The following NBEAL2 variants were observed in gnomAD, a reference collection of about 807,000 sequenced individuals.
NBEAL2 encodes neurobeachin-like protein 2.
NBEAL2 carries 160 observed loss-of-function variants against 299.8 expected under a neutral mutation model. The observed-to-expected ratio is 0.53, with a 90% CI of 0.47 to 0.61. NBEAL2 has a LOEUF of 0.61. NBEAL2 is among the 20% of genes least tolerant of loss of function. The pLI, the probability that NBEAL2 is intolerant of heterozygous loss-of-function variation, is 0.00. For synonymous variants in NBEAL2, 1,493 were observed against 1,542.3 expected (o/e 0.97, Z 0.75); for missense variants, 3,112 against 3,649.0 (o/e 0.85, Z 3.79).
Position 47,003,199 on chromosome 3 carries a change from G to A in NBEAL2, c.5610G>A (p.Glu1870=). The A allele has an allele frequency of 6.2e-7, 1 of 1,611,554 alleles. No homozygotes were observed. Among genetic ancestry groups the A allele is most frequent in the Non-Finnish European group, 8.5e-7 (1 of 1,178,618 alleles). ...NLGEVPLTPT[E]EASLPLAVTK... is the part of the protein sequence containing the mutation. The stretch of plus-strand genomic sequence containing the variant: ...GTGAGGTTCCCCTGACACCCACCGA[G>A]GAGGCCTCACTGCCTCTGGCAGTGA... Residue 1870 remains glutamate (E), a synonymous_variant, in exon 35 of 54, where the codon GAG becomes GAA. Transcript: ENST00000450053. The surrounding 1 kb of genome is among the most constrained non-coding windows in gnomAD (Gnocchi z 7.0).
chr3:46,987,769 C>T (rs1230917281), intron 1 of NBEAL2, among the ~76,000 whole-genome samples: 9 of 152,164 alleles, frequency 5.9e-5, no homozygotes, highest in African/African-American at 2.2e-4. Flanking sequence ...TAAAACTAGT[C>T]TTGGCCCACA....
chr3:46,987,014 G>A (rs757950477), intron 1 of NBEAL2, among the ~76,000 whole-genome samples: 2 of 152,252 alleles, frequency 1.3e-5, no homozygotes, highest in Non-Finnish European at 2.9e-5. Flanking sequence ...TCATGGTTGT[G>A]TGGGTCTGCA....
In NBEAL2 at chr3:47,007,919, C is replaced by T. The variant is rs758985099; in HGVS notation, c.7602+9C>T. 6.2e-6 allele frequency: 10 copies of T among 1,609,970 alleles called. No homozygotes were observed. The highest frequency in any genetic ancestry group is 8.5e-6 in the Non-Finnish European group (10 of 1,178,234). On this transcript the variant is annotated intron_variant, in intron 49 of 53. Coordinates refer to ENST00000450053, the MANE Select transcript of NBEAL2 (RefSeq NM_015175.3). ...GGCGGCTCCTGCATCAGGTGTGCCT[C>T]GTGGGCAGCTCTGTGGGGCCCCCGT...
Position 47,009,319 on chromosome 3 carries a change from G to A in NBEAL2, c.8264G>A (p.Ter2755=), listed in dbSNP as rs780468165. ...GAATACAACCCTACTGAGGCGCGCT[G>A]AACCTGGCCAGTCCGGCTGCTCGGG... ...ETEYNPTEAR[*] Residue 2755 remains the stop codon, a stop_retained_variant, in exon 54 of 54, where the codon TGA becomes TAA. Transcript: ENST00000450053. 2.5e-5 allele frequency: 40 copies of A among 1,588,174 alleles called. No homozygotes were observed. Among genetic ancestry groups the A allele is most frequent in the Non-Finnish European group, 3.4e-5 (40 of 1,168,002 alleles).
chr3:47,004,188 A>G lies in NBEAL2; in HGVS notation c.5993A>G (p.Tyr1998Cys), dbSNP rs1220479970. Reference sequence around the variant, plus strand: ...CTCTTCTTTATCGATCAGGCCAACTACTTCCTCAACTTCCCATGCAAGGTG... The same window carrying G: ...CTCTTCTTTATCGATCAGGCCAACTGCTTCCTCAACTTCCCATGCAAGGTG... ...LELFFIDQAN[Y>C]FLNFPCKVGT... is the part of the protein sequence containing the mutation. Residue 1998 changes from tyrosine (Y) to cysteine (C), a missense_variant, in exon 37 of 54, where the codon TAC becomes TGC. By Grantham distance (194) the Tyr-to-Cys change is radical (BLOSUM62 -2). This residue lies in a region of NBEAL2 where 521 missense variants were observed against 729.6 expected (regional missense o/e 0.71). Coordinates refer to ENST00000450053, the MANE Select transcript of NBEAL2 (RefSeq NM_015175.3). This position sits in a 1 kb window ranked among gnomAD's most constrained non-coding sequence, Gnocchi z 5.0. 6.2e-7 allele frequency: 1 copy of G among 1,613,518 alleles called. No homozygotes were observed. Among genetic ancestry groups the G allele is most frequent in the Non-Finnish European group, 8.5e-7 (1 of 1,179,780 alleles).
At chr3:46,999,508 A>G in intron 25 of NBEAL2, 34 bp downstream of exon 25, 2 of 1,581,818 alleles carry the variant, frequency 1.3e-6, no homozygotes, top group Non-Finnish European at 1.7e-6. Flanking sequence ...GGAGGGGGTG[A>G]CATGTCAGAA....
intron 1 of NBEAL2, among the ~76,000 whole-genome samples, chr3:46,984,820 G>T (rs1195940845): frequency 6.6e-6 from 1 of 152,154 alleles, no homozygotes; most frequent in African/African-American, 2.4e-5. Context: ...TCACAGAGGG[G>T]GCTGGGGGTT....
At chr3:47,005,899 TG>T (rs766883975) in intron 42 of NBEAL2, 46 bp from the exon 43 acceptor site, 3 of 1,612,402 alleles carry the variant, frequency 1.9e-6, no homozygotes, top group South Asian at 1.1e-5. Flanking sequence ...CTGAAGATCA[TG>T]GGGGGTCAGC....
Position 47,007,114 on chromosome 3 carries a change from C to A in NBEAL2, c.7183C>A (p.Gln2395Lys). The A allele has an allele frequency of 6.2e-7, 1 of 1,613,732 alleles. No individual in the cohort carries two copies. Among genetic ancestry groups the A allele is most frequent in the Non-Finnish European group, 8.5e-7 (1 of 1,179,790 alleles). Residue 2395 changes from glutamine to lysine, a missense_variant, in exon 46 of 54, where the codon CAG (glutamine) becomes AAG (lysine). By Grantham distance (53) the Gln-to-Lys change is moderately conservative (BLOSUM62 1). Coordinates refer to ENST00000450053, the MANE Select transcript of NBEAL2 (RefSeq NM_015175.3). Reference protein sequence around the residue: ...PLVLALVPHRQPHSFITQGSP... With the variant: ...PLVLALVPHRKPHSFITQGSP... ...GGTGCTAGCCCTGGTCCCCCACCGGCAGCCCCACTCCTTCATCACCCAGGG... is the reference window on the plus strand; with the variant it reads ...GGTGCTAGCCCTGGTCCCCCACCGGAAGCCCCACTCCTTCATCACCCAGGG...
Position 47,001,643 on chromosome 3 carries a change from T to A in NBEAL2, c.4645-46T>A. 2 of 1,601,736 alleles carry A rather than the reference T, an allele frequency of 1.2e-6. No homozygotes were observed. The highest frequency in any genetic ancestry group is 2.2e-5 in the South Asian group (2 of 90,908). ...ACTTTGCTCCCTTTCCATGGACTCC[T>A]GGCCTCCCCTGGTGATGTCTGTTGG... On this transcript the variant is annotated intron_variant, in intron 29 of 53. Coordinates refer to ENST00000450053, the MANE Select transcript of NBEAL2 (RefSeq NM_015175.3). This position sits in a 1 kb window ranked among gnomAD's most constrained non-coding sequence, Gnocchi z 6.1.
At position 47,006,230 on chromosome 3, in the gene NBEAL2, A is replaced by G. The variant is rs1223941874; in HGVS notation, c.6985A>G (p.Asn2329Asp). The change falls in exon 44 of 54, where the codon AAC (asparagine) becomes GAC (aspartate). Residue 2329 changes from asparagine to aspartate, a missense_variant. Coordinates refer to ENST00000450053, the MANE Select transcript of NBEAL2 (RefSeq NM_015175.3). ...ERKALEGIIS[N>D]FGQTPCQLLK... is the part of the protein sequence containing the mutation. ...GAAGGCTCTGGAGGGCATTATCAGCAACTTTGGGCAGACTCCCTGTCAGCT... is the reference window on the plus strand; with the variant it reads ...GAAGGCTCTGGAGGGCATTATCAGCGACTTTGGGCAGACTCCCTGTCAGCT... The G allele has an allele frequency of 1.9e-6, 3 of 1,613,792 alleles. No homozygotes were observed. Among genetic ancestry groups the G allele is most frequent in the Non-Finnish European group, 2.5e-6 (3 of 1,179,876 alleles).
In NBEAL2 at chr3:46,989,707, T is replaced by TA; in HGVS notation, c.556+114_556+115insA. 1.0e-6 allele frequency: 1 copy of TA among 956,802 alleles called. No individual in the cohort carries two copies. Among genetic ancestry groups the TA allele is most frequent in the Non-Finnish European group, 1.6e-6 (1 of 612,246 alleles). The allele number at this position is 956,802 out of a possible 1,614,324, so 59.3% of individuals were successfully genotyped here. A position where few individuals can be genotyped will look rare whatever the true frequency, so the allele number is the denominator to read the frequency against. On this transcript the variant is annotated intron_variant, in intron 6 of 53. Transcript: ENST00000450053. The surrounding 1 kb of genome is among the most constrained non-coding windows in gnomAD (Gnocchi z 5.5). ...ACTTGGTGGTGGCTGCATGCAGGAC[T>TA]GGGAGAACCAAAGACCAAGCAAGAG... is the stretch of plus-strand genomic sequence containing the variant.
Position 46,991,672 on chromosome 3 carries a change from C to T in NBEAL2, c.909C>T (p.Leu303=), listed in dbSNP as rs2036099795. The change falls in exon 8 of 54, where the codon CTC becomes CTT. Residue 303 remains leucine (L), a synonymous_variant. Transcript: ENST00000450053. This position sits in a 1 kb window ranked among gnomAD's most constrained non-coding sequence, Gnocchi z 6.2. ...GCCCCGAAGAGGCCCTTGTCACCCT[C>T]CGGGTCAGCATGCTCGGTGGGTATG... ...SSGPEEALVT[L]RVSMLDAIPM... 1 of 1,597,784 alleles carries T rather than the reference C, an allele frequency of 6.3e-7. No homozygotes were observed. The highest frequency in any genetic ancestry group is 1.3e-5 in the African/African-American group (1 of 74,854).
intron 20 of NBEAL2, 135 bp downstream of exon 20, chr3:46,997,829 G>T: frequency 7.6e-7 from 1 of 1,312,434 alleles, no homozygotes; most frequent in South Asian, 1.6e-5. Context: ...CTGAAAGGCC[G>T]AGCAGGGTTG....
At position 47,004,360 on chromosome 3, in the gene NBEAL2, C is replaced by G. The variant is rs201897629; in HGVS notation, c.6165C>G (p.Pro2055=). The change falls in exon 37 of 54, where the codon CCC becomes CCG. Residue 2055 remains proline (P), a synonymous_variant. Transcript: ENST00000450053. The surrounding 1 kb of genome is among the most constrained non-coding windows in gnomAD (Gnocchi z 5.0). ...PSQGYLSSRS[P]QEMLRASGLT... ...AAGGCTACCTAAGCAGCCGCTCCCC[C>G]CAGGAGATGCTGCGTGCCTCAGGCC... 3.7e-6 allele frequency: 6 copies of G among 1,600,966 alleles called. No individual in the cohort carries two copies. Among genetic ancestry groups the G allele is most frequent in the Non-Finnish European group, 3.4e-6 (4 of 1,172,238 alleles).
chr3:47,003,749 T>G lies in NBEAL2; in HGVS notation c.5721-67T>G. The G allele has an allele frequency of 6.7e-7, 1 of 1,496,462 alleles. No individual in the cohort carries two copies. The highest frequency in any genetic ancestry group is 2.5e-5 in the East Asian group (1 of 40,664). 92.7% of individuals were successfully genotyped at this position (1,496,462 alleles called of 1,614,324 possible). ...ACCCCATGACTCAATGGCACTTGGATGCCCTTTGGGCTTGTGAAGAAGGGG... is the reference window on the plus strand; with the variant it reads ...ACCCCATGACTCAATGGCACTTGGAGGCCCTTTGGGCTTGTGAAGAAGGGG... On this transcript the variant is annotated intron_variant, in intron 35 of 53. Transcript: ENST00000450053. This position sits in a 1 kb window ranked among gnomAD's most constrained non-coding sequence, Gnocchi z 7.0.
At chr3:46,992,013 C>A in intron 9 of NBEAL2, 67 bp downstream of exon 9, 1 of 1,354,960 alleles carries the variant, frequency 7.4e-7, no homozygotes, top group African/African-American at 1.4e-5. Flanking sequence ...CGCATAGGTG[C>A]CAGGCTGCTG....
In NBEAL2 at chr3:46,991,339, A is replaced by C; in HGVS notation, c.642+35A>C. On this transcript the variant is annotated intron_variant, in intron 7 of 53. Coordinates refer to ENST00000450053, the MANE Select transcript of NBEAL2 (RefSeq NM_015175.3). The surrounding 1 kb of genome is among the most constrained non-coding windows in gnomAD (Gnocchi z 6.2). ...GAGGTGAGCCTGTGGACTAGAGAGC[A>C]GCTCTTTCAGTATCTCTCTGCTGGG... 1 of 1,586,050 alleles carries C rather than the reference A, an allele frequency of 6.3e-7. No homozygotes were observed. Among genetic ancestry groups the C allele is most frequent in the Non-Finnish European group, 8.6e-7 (1 of 1,165,554 alleles).
At chr3:47,008,040 C>T (rs377046434) in intron 49 of NBEAL2, 30 bp from the exon 50 acceptor site, 318 of 1,608,638 alleles carry the variant, frequency 2.0e-4, no homozygotes, top group Non-Finnish European at 1.8e-4. Context: ...CCTCAGGGGA[C>T]AGTCCTAAGC....
Sources: allele counts gnomAD v4.1 joint callset (sites outside exome capture counted in the v4.1 genomes callset), GRCh38; gene constraint gnomAD v4.1.1; regional missense constraint gnomAD v4.1.1; non-coding constraint Gnocchi (gnomAD v3.1); transcripts MANE v1.5; gene names NCBI Gene and HGNC (gene_info 2026-07-23, HGNC 2026-07-21).